Variants in DLG2 observed in about 807,000 individuals in gnomAD.
DLG2 encodes disks large homolog 2.
DLG2 carries 45 observed loss-of-function variants against 132.5 expected under a neutral mutation model. That is an observed-to-expected ratio of 0.34 (90% confidence interval 0.27 to 0.44). The LOEUF (loss-of-function observed/expected upper bound fraction) is 0.44. Ranked by LOEUF, DLG2 falls within the 20% of genes least tolerant of loss-of-function variation. The pLI, the probability that DLG2 is intolerant of heterozygous loss-of-function variation, is 1.00. For missense variants in DLG2, 1,045 were observed against 1,196.9 expected (o/e 0.87, Z 1.87); for synonymous variants, 424 against 419.6 (o/e 1.01, Z -0.13).
intron 11 of DLG2, among the ~76,000 whole-genome samples, chr11:84,034,812 G>A (rs2095817148): frequency 6.6e-6 from 1 of 152,126 alleles, no homozygotes; most frequent in Non-Finnish European, 1.5e-5. Context: ...CTGGTGTCCT[G>A]GAATTGAGTG....
intron 21 of DLG2, among the ~76,000 whole-genome samples, chr11:83,488,973 ATGTGTCTATGTGAATGCACGTATACATG>A (rs1177716359): frequency 1.3e-5 from 2 of 152,034 alleles, no homozygotes; most frequent in Non-Finnish European, 2.9e-5. Context: ...GCTTACAGAA[ATGTGTCTATGTGAATGCACGTATACATG>A]TGTGTCTATA....
intron 7 of DLG2, among the ~76,000 whole-genome samples, chr11:84,403,914 C>G (rs771606794): frequency 8.5e-5 from 13 of 152,284 alleles, no homozygotes; most frequent in Non-Finnish European, 1.8e-4. Flanking sequence ...AAGTCCAAAG[C>G]CACCTCTTCC....
At chr11:83,655,007 T>C (rs1591805410) in intron 18 of DLG2, among the ~76,000 whole-genome samples, 1 of 152,170 alleles carries the variant, frequency 6.6e-6, no homozygotes, top group Admixed American at 6.5e-5. Context: ...CATGTGAGAA[T>C]GAATGGTTGT....
chr11:83,773,345 C>T (rs921695607), intron 18 of DLG2, among the ~76,000 whole-genome samples: 3 of 152,156 alleles, frequency 2.0e-5, no homozygotes, highest in South Asian at 2.1e-4. Context: ...CACATGAGAG[C>T]GCTTTGTAAA....
At chr11:84,936,086 T>C (rs1387521576) in intron 6 of DLG2, among the ~76,000 whole-genome samples, 1 of 152,230 alleles carries the variant, frequency 6.6e-6, no homozygotes, top group Non-Finnish European at 1.5e-5. Flanking sequence ...ATACTCAACA[T>C]ACTTATTAAA....
At chr11:85,255,027 T>G (rs1315741721) in intron 4 of DLG2, among the ~76,000 whole-genome samples, 1 of 151,930 alleles carries the variant, frequency 6.6e-6, no homozygotes, top group Non-Finnish European at 1.5e-5. Flanking sequence ...TATAATTGTT[T>G]ATATGCCATT....
intron 9 of DLG2, among the ~76,000 whole-genome samples, chr11:84,139,125 C>CT (rs2094728535): frequency 6.6e-6 from 1 of 152,084 alleles, no homozygotes; most frequent in South Asian, 2.1e-4. Context: ...TTTATGATAG[C>CT]TTGCCCTGAT....
chr11:84,327,481 C>T, intron 7 of DLG2, among the ~76,000 whole-genome samples: 1 of 152,098 alleles, frequency 6.6e-6, no homozygotes, highest in South Asian at 2.1e-4. Flanking sequence ...TAAGGAAGGA[C>T]TTATTATAGC....
At chr11:85,592,525 T>G (rs1478690868) in intron 3 of DLG2, among the ~76,000 whole-genome samples, 1 of 152,186 alleles carries the variant, frequency 6.6e-6, no homozygotes, top group Non-Finnish European at 1.5e-5. Context: ...GCTTTATCCA[T>G]AGAGATACTT....
intron 18 of DLG2, among the ~76,000 whole-genome samples, chr11:83,733,251 A>AAC (rs1566747868): frequency 6.7e-6 from 1 of 150,298 alleles, no homozygotes; most frequent in African/African-American, 2.5e-5. Context: ...AAAAAAAAAA[A>AAC]AAAAAAAAAA....
intron 7 of DLG2, among the ~76,000 whole-genome samples, chr11:84,323,739 T>C (rs1236425255): frequency 6.7e-6 from 1 of 149,338 alleles, no homozygotes; most frequent in African/African-American, 2.5e-5. Context: ...TTTTTTTTTT[T>C]TGATAATGGC....
intron 6 of DLG2, among the ~76,000 whole-genome samples, chr11:84,921,055 C>T (rs1057276004): frequency 1.3e-5 from 2 of 151,488 alleles, no homozygotes; most frequent in African/African-American, 4.8e-5. Context: ...GTTCTTGTAA[C>T]AATAGAAATA....
intron 18 of DLG2, among the ~76,000 whole-genome samples, chr11:83,715,534 C>T (rs1237650036): frequency 6.6e-6 from 1 of 152,184 alleles, no homozygotes; most frequent in Non-Finnish European, 1.5e-5. Context: ...TGATCCCCAC[C>T]CTTGTCTTCT....
At chr11:84,734,356 CCCTTGTAAGTTGGATT>C (rs2063548665) in intron 6 of DLG2, among the ~76,000 whole-genome samples, 1 of 152,116 alleles carries the variant, frequency 6.6e-6, no homozygotes, top group East Asian at 1.9e-4. Flanking sequence ...TCCTTCACAT[CCCTTGTAAGTTGGATT>C]CCTAGGTATT....
intron 5 of DLG2, among the ~76,000 whole-genome samples, chr11:85,142,972 T>C (rs1199696799): frequency 6.6e-6 from 1 of 151,828 alleles, no homozygotes; most frequent in African/African-American, 2.4e-5. Flanking sequence ...TTGTTGAGGA[T>C]TTTTGCATCT....
intron 15 of DLG2, among the ~76,000 whole-genome samples, chr11:83,888,315 CAGAG>C (rs1270715052): frequency 6.6e-6 from 1 of 152,084 alleles, no homozygotes; most frequent in African/African-American, 2.4e-5. Flanking sequence ...AACAGACAAA[CAGAG>C]AGCCAAATCA....
intron 3 of DLG2, among the ~76,000 whole-genome samples, chr11:85,445,704 A>G (rs2091979417): frequency 6.6e-6 from 1 of 152,230 alleles, no homozygotes; most frequent in Non-Finnish European, 1.5e-5. Flanking sequence ...GATTGAAAGC[A>G]CTAATCAGAA....
At chr11:85,264,745 T>C (rs1011475918) in intron 4 of DLG2, among the ~76,000 whole-genome samples, 1 of 152,184 alleles carries the variant, frequency 6.6e-6, no homozygotes, top group Non-Finnish European at 1.5e-5. Flanking sequence ...TCTTTCTCTC[T>C]CAAAATCAGT....
At chr11:83,677,238 T>G (rs1468612331) in intron 18 of DLG2, among the ~76,000 whole-genome samples, 1 of 152,044 alleles carries the variant, frequency 6.6e-6, no homozygotes, top group Admixed American at 6.6e-5. Flanking sequence ...AAAGGCATGC[T>G]TTGTCTTGCT....
Sources: gnomAD v4.1 joint callset for allele counts (sites outside exome capture counted in the v4.1 genomes callset) on GRCh38, gnomAD v4.1.1 for gene constraint, MANE v1.5 for transcripts, NCBI Gene and HGNC (gene_info 2026-07-23, HGNC 2026-07-21) for gene names.